TRIO: variants seen among roughly 807,000 people sequenced by gnomAD.
TRIO encodes the protein trio Rho guanine nucleotide exchange factor, also known as triple functional domain protein.
A neutral mutation model predicts 351.9 loss-of-function variants in TRIO; 58 were observed. The ratio of observed to expected loss-of-function variants is 0.16; its 90% CI spans 0.13 to 0.21. The LOEUF is 0.21. Ranked by LOEUF, TRIO falls within the 10% of genes least tolerant of loss-of-function variation. The pLI, the probability that TRIO is intolerant of heterozygous loss-of-function variation, is 1.00. For synonymous variants in TRIO, 1,758 were observed against 1,595.7 expected (o/e 1.10, Z -2.42); for missense variants, 3,201 against 4,027.8 (o/e 0.79, Z 5.56).
intron 33 of TRIO, among the ~76,000 whole-genome samples, chr5:14,408,802 C>T (rs1290575239): frequency 1.3e-5 from 2 of 151,814 alleles, no homozygotes; most frequent in Non-Finnish European, 2.9e-5. Context: ...AATTCCCATT[C>T]TTAAGATAAA....
chr5:14,174,508 G>A (rs546871274), intron 1 of TRIO, among the ~76,000 whole-genome samples: 104 of 152,268 alleles, frequency 6.8e-4, no homozygotes, highest in African/African-American at 2.4e-3. Flanking sequence ...GGATTGATGA[G>A]CAACCCTGAA....
At chr5:14,212,977 T>A (rs1028966247) in intron 1 of TRIO, among the ~76,000 whole-genome samples, 2 of 152,232 alleles carry the variant, frequency 1.3e-5, no homozygotes, top group Non-Finnish European at 2.9e-5. Flanking sequence ...ATCTGATTTG[T>A]AATTTCTTGT....
chr5:14,503,908 G>C (rs189391492), intron 54 of TRIO, among the ~76,000 whole-genome samples: 1 of 152,222 alleles, frequency 6.6e-6, no homozygotes, highest in African/African-American at 2.4e-5. Context: ...CCAGGAGTGG[G>C]TCATCAGGGG....
At chr5:14,229,088 T>A (rs1793234880) in intron 1 of TRIO, among the ~76,000 whole-genome samples, 1 of 152,180 alleles carries the variant, frequency 6.6e-6, no homozygotes, top group African/African-American at 2.4e-5. Context: ...TTGATTATGA[T>A]ATATATAGAT....
At chr5:14,463,024 G>A (rs1416006059) in intron 36 of TRIO, 99 bp downstream of exon 36, 11 of 1,404,714 alleles carry the variant, frequency 7.8e-6, no homozygotes, top group African/African-American at 5.9e-5. Context: ...GAGACAGGAG[G>A]CCCCAAGATG....
At chr5:14,371,733 T>C (rs1446786315) in intron 18 of TRIO, among the ~76,000 whole-genome samples, 1 of 151,910 alleles carries the variant, frequency 6.6e-6, no homozygotes, top group African/African-American at 2.4e-5. Flanking sequence ...TTTAGACTCC[T>C]GGGCTTAAGT....
intron 8 of TRIO, among the ~76,000 whole-genome samples, chr5:14,315,626 T>TA (rs1376589080): frequency 1.3e-5 from 2 of 151,864 alleles, no homozygotes; most frequent in Middle Eastern, 3.2e-3. Context: ...AGGCCCTACC[T>TA]ACTTAAGACA....
chr5:14,299,121 C>A (rs1264294988), intron 7 of TRIO, among the ~76,000 whole-genome samples: 1 of 152,112 alleles, frequency 6.6e-6, no homozygotes, highest in Admixed American at 6.5e-5. Flanking sequence ...TGAAAATAAT[C>A]TAGAAACATG....
chr5:14,319,749 T>C (rs558138914), intron 9 of TRIO, among the ~76,000 whole-genome samples: 2 of 152,318 alleles, frequency 1.3e-5, no homozygotes, highest in Non-Finnish European at 2.9e-5. Flanking sequence ...TGCTTGTCTG[T>C]TGAAAAATAT....
At chr5:14,408,695 C>T (rs1748926194) in intron 33 of TRIO, among the ~76,000 whole-genome samples, 2 of 152,010 alleles carry the variant, frequency 1.3e-5, no homozygotes, top group Non-Finnish European at 1.5e-5. Context: ...GAGGCTGCCA[C>T]CTGAAAGGAA....
intron 45 of TRIO, 164 bp from the exon 46 acceptor site, chr5:14,482,418 T>G (rs1345483172): frequency 2.0e-6 from 1 of 494,526 alleles, no homozygotes; most frequent in Non-Finnish European, 3.3e-6. Context: ...ATTATTCTGT[T>G]TAGAGCCAAG....
At chr5:14,225,978 TC>T (rs1305242788) in intron 1 of TRIO, among the ~76,000 whole-genome samples, 1 of 152,194 alleles carries the variant, frequency 6.6e-6, no homozygotes, top group Non-Finnish European at 1.5e-5. Flanking sequence ...AGCTTTGAGT[TC>T]CGCCGTGGCA....
intron 19 of TRIO, among the ~76,000 whole-genome samples, chr5:14,375,699 C>T (rs1420088642): frequency 6.6e-6 from 1 of 152,146 alleles, no homozygotes; most frequent in Non-Finnish European, 1.5e-5. Context: ...CTTGAGGAAG[C>T]CCCGTATCCA....
chr5:14,171,879 G>A (rs1421003985), intron 1 of TRIO, among the ~76,000 whole-genome samples: 1 of 152,204 alleles, frequency 6.6e-6, no homozygotes, highest in African/African-American at 2.4e-5. Context: ...ATGTGGCCAA[G>A]TTCTGTAGTT....
Position 14,152,311 on chromosome 5 carries a change from CA to C in TRIO, c.157+8433del, listed in dbSNP as rs1187534015. On this transcript the variant is annotated intron_variant, in intron 1 of 56. Coordinates refer to ENST00000344204, the MANE Select transcript of TRIO (RefSeq NM_007118.4). The stretch of plus-strand genomic sequence containing the variant: ...AACATTACTAGCTCGAAAAGCAAAA[CA>C]AAACAAAACAAACCCAGATCGCATG... Among the ~76,000 whole-genome samples the C allele has an allele frequency of 2.0e-5, 3 of 152,140 alleles. No individual in the cohort carries two copies. In the South Asian group the frequency reaches 6.2e-4, roughly 31 times the overall value.
chr5:14,504,605 C>T lies in TRIO; in HGVS notation c.8612+12C>T, dbSNP rs776581844. On this transcript the variant is annotated intron_variant, in intron 55 of 56. Coordinates refer to ENST00000344204, the MANE Select transcript of TRIO (RefSeq NM_007118.4). ...CTGGTCTTAGAAATGTGCGTACACACCTGGCCTTCCCTCTGCCCAGCCCTC... is the reference window on the plus strand; with the variant it reads ...CTGGTCTTAGAAATGTGCGTACACATCTGGCCTTCCCTCTGCCCAGCCCTC... 8 of 1,613,060 alleles carry T rather than the reference C, an allele frequency of 5.0e-6. No homozygotes were observed. In the South Asian group the frequency reaches 7.7e-5, roughly 16 times the overall value.
chr5:14,415,688 T>C (rs1346995619), intron 33 of TRIO, among the ~76,000 whole-genome samples: 1 of 152,212 alleles, frequency 6.6e-6, no homozygotes, highest in Non-Finnish European at 1.5e-5. Context: ...ACACAGTAAG[T>C]TGTTTATTTT....
At chr5:14,414,652 T>G (rs1030006813) in intron 33 of TRIO, among the ~76,000 whole-genome samples, 1 of 152,244 alleles carries the variant, frequency 6.6e-6, no homozygotes, top group African/African-American at 2.4e-5. Context: ...ACGTAAAGTT[T>G]ACCGTCTTCA....
At chr5:14,238,052 T>C (rs755700996) in intron 1 of TRIO, among the ~76,000 whole-genome samples, 1 of 152,234 alleles carries the variant, frequency 6.6e-6, no homozygotes, top group Non-Finnish European at 1.5e-5. Flanking sequence ...TTTTACTTTT[T>C]GTGAATTTAA....
Sources: gnomAD v4.1 joint callset for allele counts (sites outside exome capture counted in the v4.1 genomes callset) on GRCh38, gnomAD v4.1.1 for gene constraint, MANE v1.5 for transcripts, NCBI Gene and HGNC (gene_info 2026-07-23, HGNC 2026-07-21) for gene names.